Variants in CNTNAP2 observed in about 807,000 individuals in gnomAD.
CNTNAP2 encodes the protein contactin associated protein 2, also known as contactin-associated protein-like 2.
CNTNAP2 carries 98 observed loss-of-function variants against 155.2 expected under a neutral mutation model. That is an observed-to-expected ratio of 0.63 (90% CI 0.54 to 0.75). CNTNAP2 has a LOEUF of 0.75. Ranked by LOEUF, CNTNAP2 falls within the 30% of genes least tolerant of loss-of-function variation. CNTNAP2 has a pLI of 0.00. For missense variants in CNTNAP2, 1,727 were observed against 1,688.1 expected (o/e 1.02, Z -0.40); for synonymous variants, 651 against 631.2 (o/e 1.03, Z -0.47).
At chr7:146,359,809 C>G (rs1795056594) in intron 1 of CNTNAP2, among the ~76,000 whole-genome samples, 1 of 151,602 alleles carries the variant, frequency 6.6e-6, no homozygotes, top group Non-Finnish European at 1.5e-5. Context: ...TGTGTGCGTG[C>G]GTGCGCATGC....
At chr7:147,251,338 A>G (rs1392811465) in intron 8 of CNTNAP2, among the ~76,000 whole-genome samples, 1 of 152,160 alleles carries the variant, frequency 6.6e-6, no homozygotes, top group Non-Finnish European at 1.5e-5. Context: ...TTTGGTCCAC[A>G]TTGCTCTCTC....
intron 3 of CNTNAP2, among the ~76,000 whole-genome samples, chr7:146,869,274 CAT>C (rs1795262143): frequency 6.6e-6 from 1 of 152,080 alleles, no homozygotes; most frequent in Admixed American, 6.6e-5. Context: ...TTTAGATAAT[CAT>C]GTGTTTTGTT....
chr7:148,100,046 A>G (rs1297400988), intron 15 of CNTNAP2, among the ~76,000 whole-genome samples: 1 of 151,500 alleles, frequency 6.6e-6, no homozygotes, highest in Admixed American at 6.6e-5. Context: ...TAATTTTTGT[A>G]TTTTTAGTAG....
At chr7:148,147,797 AAGGTTTGATATAG>A (rs1202390535) in intron 17 of CNTNAP2, 88 bp downstream of exon 17, 2 of 1,315,524 alleles carry the variant, frequency 1.5e-6, no homozygotes, top group African/African-American at 2.9e-5. Context: ...CAGCCTATGC[AAGGTTTGATATAG>A]AGATCCTTCC....
intron 8 of CNTNAP2, among the ~76,000 whole-genome samples, chr7:147,227,442 C>T (rs1055553194): frequency 2.6e-5 from 4 of 151,844 alleles, no homozygotes; most frequent in South Asian, 2.1e-4. Context: ...CTAACTGCCA[C>T]GTTGAAAATG....
At chr7:146,459,448 A>G (rs1345949607) in intron 1 of CNTNAP2, among the ~76,000 whole-genome samples, 1 of 152,206 alleles carries the variant, frequency 6.6e-6, no homozygotes, top group African/African-American at 2.4e-5. Flanking sequence ...TAATATCAAC[A>G]TCACAGCACA....
chr7:146,979,600 C>T (rs1225840645), intron 3 of CNTNAP2, among the ~76,000 whole-genome samples: 1 of 152,150 alleles, frequency 6.6e-6, no homozygotes, highest in Non-Finnish European at 1.5e-5. Context: ...TCCGTGAAAG[C>T]AGAGTGTGAT....
chr7:147,689,558 A>G (rs769284253), intron 13 of CNTNAP2, among the ~76,000 whole-genome samples: 16 of 152,112 alleles, frequency 1.1e-4, no homozygotes, highest in Non-Finnish European at 1.5e-4. Flanking sequence ...GCTCCTCTGT[A>G]GTGACAGTTT....
At chr7:147,623,452 T>C (rs1164275083) in intron 12 of CNTNAP2, among the ~76,000 whole-genome samples, 1 of 152,104 alleles carries the variant, frequency 6.6e-6, no homozygotes, top group Non-Finnish European at 1.5e-5. Context: ...AGCATTTCTA[T>C]ATGCTAACAA....
chr7:147,358,982 A>T (rs1045359698), intron 9 of CNTNAP2, among the ~76,000 whole-genome samples: 3 of 152,194 alleles, frequency 2.0e-5, no homozygotes, highest in African/African-American at 7.2e-5. Flanking sequence ...TTTTAAGACC[A>T]TTAGGCACAT....
intron 17 of CNTNAP2, among the ~76,000 whole-genome samples, chr7:148,158,057 C>T (rs900833222): frequency 4.6e-5 from 7 of 152,050 alleles, no homozygotes; most frequent in Admixed American, 4.6e-4. Context: ...CCACCTACGA[C>T]CCCCACAAAG....
intron 15 of CNTNAP2, among the ~76,000 whole-genome samples, chr7:148,105,466 A>G (rs1249113774): frequency 1.3e-5 from 2 of 152,252 alleles, no homozygotes; most frequent in African/African-American, 4.8e-5. Flanking sequence ...AAGCAGGCCT[A>G]TGCTTACTAT....
chr7:148,165,701 A>G (rs1446201423), intron 17 of CNTNAP2, among the ~76,000 whole-genome samples: 1 of 152,156 alleles, frequency 6.6e-6, no homozygotes. Flanking sequence ...AAGCCAACAC[A>G]TAGAAGTAGA....
chr7:148,277,594 C>CA (rs961132757), intron 21 of CNTNAP2, among the ~76,000 whole-genome samples: 1 of 148,414 alleles, frequency 6.7e-6, no homozygotes, highest in Non-Finnish European at 1.5e-5. Flanking sequence ...GGACCGCCCC[C>CA]CACCACCACC....
chr7:146,236,490 A>G (rs964999828), intron 1 of CNTNAP2, among the ~76,000 whole-genome samples: 5 of 152,222 alleles, frequency 3.3e-5, no homozygotes, highest in African/African-American at 1.2e-4. Context: ...AATGCTACAC[A>G]GTCATATTTT....
intron 16 of CNTNAP2, among the ~76,000 whole-genome samples, chr7:148,136,566 C>G (rs1245238730): frequency 6.6e-6 from 1 of 152,158 alleles, no homozygotes; most frequent in Admixed American, 6.6e-5. Context: ...TTATAAATTA[C>G]CCAGCCCTAA....
chr7:148,070,284 A>G (rs1244524246), intron 15 of CNTNAP2, among the ~76,000 whole-genome samples: 5 of 152,274 alleles, frequency 3.3e-5, no homozygotes, highest in Admixed American at 1.3e-4. Context: ...TCTGAAATAG[A>G]CATTGCACTG....
At chr7:147,547,929 G>T (rs936473538) in intron 11 of CNTNAP2, among the ~76,000 whole-genome samples, 1 of 152,110 alleles carries the variant, frequency 6.6e-6, no homozygotes, top group African/African-American at 2.4e-5. Context: ...CCCTGAAAAG[G>T]ACATAATCTC....
chr7:147,661,574 AC>A (rs2116953614), intron 13 of CNTNAP2, among the ~76,000 whole-genome samples: 1 of 142,136 alleles, frequency 7.0e-6, no homozygotes, highest in East Asian at 2.0e-4. Context: ...TTTTTTTTAG[AC>A]GGAGTCTTGC....
Sources: allele counts gnomAD v4.1 joint callset (sites outside exome capture counted in the v4.1 genomes callset), GRCh38; gene constraint gnomAD v4.1.1; transcripts MANE v1.5; gene names NCBI Gene and HGNC (gene_info 2026-07-23, HGNC 2026-07-21).